The following LIMCH1 variants were observed in gnomAD, a reference collection of about 807,000 sequenced individuals.
LIMCH1 encodes LIM and calponin homology domains 1.
In LIMCH1, 113 loss-of-function variants were observed where a neutral mutation model predicts 176.5. That is an observed-to-expected ratio of 0.64 (90% CI 0.55 to 0.75). The LOEUF (loss-of-function observed/expected upper bound fraction) is 0.75. Ranked by LOEUF, LIMCH1 falls within the 30% of genes least tolerant of loss-of-function variation. LIMCH1 has a pLI of 0.00. For missense variants in LIMCH1, 1,674 were observed against 1,814.9 expected, an observed-to-expected ratio of 0.92 and a Z score of 1.41; for synonymous variants, 619 against 645.9, an observed-to-expected ratio of 0.96 and a Z score of 0.63.
chr4:41,361,390 C>T (rs1200747069), intron 1 of LIMCH1, among the ~76,000 whole-genome samples: 10 of 152,238 alleles, frequency 6.6e-5, no homozygotes, highest in Non-Finnish European at 1.5e-5. Context: ...CTACCCCGCA[C>T]CCTTCCGGAG....
chr4:41,443,074 T>C (rs1234742998), intron 1 of LIMCH1, among the ~76,000 whole-genome samples: 1 of 151,980 alleles, frequency 6.6e-6, no homozygotes, highest in Admixed American at 6.6e-5. Flanking sequence ...TTTGTTTAAA[T>C]GGAAACATAA....
rs1375879305 is a variant in LIMCH1 at position 41,632,960 on chromosome 4, G to A, written c.1721-17G>A. ...TGAATTCTTTCCTAGGAGTGAAACT[G>A]TCCTCTCTGGCTTTAGTTACATCCA... On this transcript the variant is annotated splice_polypyrimidine_tract_variant and intron_variant, in intron 11 of 31. Coordinates refer to ENST00000503057, the MANE Select transcript of LIMCH1 (RefSeq NM_001330672.2). The A allele has an allele frequency of 2.6e-6, 4 of 1,533,984 alleles. No individual in the cohort carries two copies. The East Asian group carries it at 9.8e-5, about 38-fold the overall frequency.
intron 2 of LIMCH1, among the ~76,000 whole-genome samples, chr4:41,602,358 A>G (rs1023082924): frequency 3.3e-5 from 5 of 152,152 alleles, no homozygotes; most frequent in Non-Finnish European, 5.9e-5. Flanking sequence ...AAGTATTTCC[A>G]CATAATAGGT....
intron 1 of LIMCH1, among the ~76,000 whole-genome samples, chr4:41,486,432 T>G (rs1331193231): frequency 6.6e-6 from 1 of 152,232 alleles, no homozygotes; most frequent in African/African-American, 2.4e-5. Context: ...GGTGGTTGAT[T>G]CTTGGCAGCT....
At chr4:41,568,030 G>A (rs2152573324) in intron 1 of LIMCH1, among the ~76,000 whole-genome samples, 1 of 152,302 alleles carries the variant, frequency 6.6e-6, no homozygotes, top group African/African-American at 2.4e-5. Flanking sequence ...AAACCCACCT[G>A]TAATCCCAGC....
In LIMCH1 at chr4:41,476,385, T is replaced by C. The variant is rs78643627; in HGVS notation, c.97-18151T>C. On this transcript the variant is annotated intron_variant, in intron 1 of 26. Coordinates refer to the LIMCH1 transcript ENST00000313860. ...CCCTGGAGACAGCACTTGTTCTTCA[T>C]TGCTGTGGGCGTTGTTCGTGGAGGT... is the stretch of plus-strand genomic sequence containing the variant. Among the ~76,000 whole-genome samples, 243 of 152,340 alleles carry C rather than the reference T, an allele frequency of 1.6e-3. 5 individuals carry two copies. The East Asian group carries it at 0.039, about 25-fold the overall frequency.
At chr4:41,506,361 T>C (rs1158758970) in intron 2 of LIMCH1, among the ~76,000 whole-genome samples, 1 of 152,220 alleles carries the variant, frequency 6.6e-6, no homozygotes, top group Admixed American at 6.5e-5. Context: ...GTCCTAGTCT[T>C]GTAGGACAGG....
At chr4:41,683,253 T>C (rs1319272282) in intron 26 of LIMCH1, among the ~76,000 whole-genome samples, 1 of 152,222 alleles carries the variant, frequency 6.6e-6, no homozygotes, top group South Asian at 2.1e-4. Flanking sequence ...TGGTTATGGG[T>C]AGTCTCCCCA....
chr4:41,443,444 C>G (rs1344852167), intron 1 of LIMCH1, among the ~76,000 whole-genome samples: 1 of 152,140 alleles, frequency 6.6e-6, no homozygotes, highest in African/African-American at 2.4e-5. Context: ...TCAGATGAAT[C>G]AGTGGATAAA....
At chr4:41,592,642 C>G (rs2087847088) in intron 1 of LIMCH1, among the ~76,000 whole-genome samples, 1 of 152,118 alleles carries the variant, frequency 6.6e-6, no homozygotes, top group Non-Finnish European at 1.5e-5. Context: ...CAGAAGGTGC[C>G]AGACGCTGAG....
chr4:41,670,099 C>T (rs1157748092), intron 21 of LIMCH1, among the ~76,000 whole-genome samples: 1 of 152,194 alleles, frequency 6.6e-6, no homozygotes, highest in Non-Finnish European at 1.5e-5. Context: ...TTAGCTGCCT[C>T]TCAGCAGCAG....
At chr4:41,401,046 T>C (rs1249041497) in intron 1 of LIMCH1, among the ~76,000 whole-genome samples, 3 of 152,236 alleles carry the variant, frequency 2.0e-5, no homozygotes, top group Admixed American at 6.5e-5. Context: ...TTAGATCCCA[T>C]TTGTCAATTT....
At chr4:41,551,942 A>G (rs1485088648) in intron 1 of LIMCH1, among the ~76,000 whole-genome samples, 1 of 152,174 alleles carries the variant, frequency 6.6e-6, no homozygotes. Flanking sequence ...TGCTGCTAAT[A>G]AAGACATACC....
At chr4:41,446,346 G>C (rs1010490673) in intron 1 of LIMCH1, among the ~76,000 whole-genome samples, 1 of 152,128 alleles carries the variant, frequency 6.6e-6, no homozygotes, top group African/African-American at 2.4e-5. Context: ...ATTAGTGTCC[G>C]ACAAAAGTGT....
rs778289870 is a variant in LIMCH1, at chr4:41,676,390, C to G, written c.3447C>G (p.Phe1149Leu). The G allele has an allele frequency of 6.2e-7, 1 of 1,613,640 alleles. No individual in the cohort carries two copies. The highest frequency in any genetic ancestry group is 1.7e-5 in the Admixed American group (1 of 60,018). ...EKSPVMTPFK[F>L]WAWDPEEERR... ...TTCATTTTTCTAAGCAGTTTAAGTT[C>G]TGGGCATGGGACCCAGAAGAGGAGC... The change falls in exon 23 of 32, where the codon TTC becomes TTG. Residue 1149 changes from phenylalanine to leucine, a missense_variant. Transcript: ENST00000503057.
chr4:41,593,117 G>C (rs1303478611), intron 1 of LIMCH1, among the ~76,000 whole-genome samples: 1 of 152,188 alleles, frequency 6.6e-6, no homozygotes, highest in South Asian at 2.1e-4. Context: ...GGAGTGAGTT[G>C]CAAGGATGTC....
At chr4:41,409,725 C>T (rs187489128) in intron 1 of LIMCH1, among the ~76,000 whole-genome samples, 38 of 152,258 alleles carry the variant, frequency 2.5e-4, no homozygotes, top group Admixed American at 1.5e-3. Flanking sequence ...TGGAAGTCAA[C>T]TCTTGGCTCT....
intron 1 of LIMCH1, among the ~76,000 whole-genome samples, chr4:41,480,296 T>C (rs1358277182): frequency 6.6e-6 from 1 of 152,176 alleles, no homozygotes; most frequent in Non-Finnish European, 1.5e-5. Flanking sequence ...AGCTGACAGA[T>C]GGACTGATTT....
chr4:41,663,329 T>G (rs558143641), intron 20 of LIMCH1, among the ~76,000 whole-genome samples: 2 of 152,244 alleles, frequency 1.3e-5, no homozygotes, highest in East Asian at 3.9e-4. Context: ...AATTTTTATA[T>G]TTTTAGTAGA....
Sources: gnomAD v4.1 joint callset for allele counts (sites outside exome capture counted in the v4.1 genomes callset) on GRCh38, gnomAD v4.1.1 for gene constraint, MANE v1.5 for transcripts, NCBI Gene and HGNC (gene_info 2026-07-23, HGNC 2026-07-21) for gene names.